TTC27: variants seen among roughly 807,000 people sequenced by gnomAD.
TTC27 encodes tetratricopeptide repeat domain 27.
In TTC27, 79 loss-of-function variants were observed where a neutral mutation model predicts 115.9. The ratio of observed to expected loss-of-function variants is 0.68; its 90% confidence interval spans 0.57 to 0.82. TTC27 has a LOEUF of 0.82. Among genes scored for constraint, TTC27 ranks in the 40% least tolerant of loss-of-function variants. The pLI, the probability that TTC27 is intolerant of heterozygous loss-of-function variation, is 0.00. For missense variants in TTC27, 1,054 were observed against 993.1 expected (o/e 1.06, Z -0.82); for synonymous variants, 401 against 356.0 (o/e 1.13, Z -1.42).
At chr2:32,801,677 T>C (rs967775752) in intron 16 of TTC27, among the ~76,000 whole-genome samples, 6 of 152,178 alleles carry the variant, frequency 3.9e-5, no homozygotes, top group Admixed American at 2.0e-4. Context: ...GCGGTGTTCA[T>C]GAAGAGGGGA....
intron 10 of TTC27, among the ~76,000 whole-genome samples, chr2:32,731,922 G>A (rs958303954): frequency 3.3e-5 from 5 of 151,954 alleles, no homozygotes; most frequent in African/African-American, 9.7e-5. Flanking sequence ...GCTTTAGCTA[G>A]TTTTAGTAAC....
At position 32,722,110 on chromosome 2, in the gene TTC27, A is replaced by G. The variant is rs144061589; in HGVS notation, c.1234-11718A>G. ...AGAATAAGAAAACTGCCGTTCCTTC[A>G]TAACTGATTAAAAGCAGTCATTACT... On this transcript the variant is annotated intron_variant, in intron 10 of 19. Transcript: ENST00000317907. 6.1e-3 allele frequency among the ~76,000 whole-genome samples: 930 copies of G among 152,348 alleles called. 8 individuals are homozygous for G. The highest frequency in any genetic ancestry group is 0.011 in the Non-Finnish European group (731 of 68,036).
rs569254872 is a variant in TTC27 at position 32,688,549 on chromosome 2, T to G, written c.1119+9627T>G. On this transcript the variant is annotated intron_variant, in intron 9 of 19. Transcript: ENST00000317907. The stretch of plus-strand genomic sequence containing the variant: ...TCTCACAAAAGACTTTTACTTAGCA[T>G]AAAGACCCCTTTCAACTCAATAGTA... 1.9e-3 allele frequency among the ~76,000 whole-genome samples: 296 copies of G among 152,226 alleles called. 3 individuals carry two copies. The highest frequency in any genetic ancestry group is 1.9e-3 in the Non-Finnish European group (129 of 67,966).
chr2:32,747,247 A>T (rs1391231965), intron 12 of TTC27, among the ~76,000 whole-genome samples: 1 of 152,174 alleles, frequency 6.6e-6, no homozygotes, highest in Non-Finnish European at 1.5e-5. Context: ...TTTCCTGATT[A>T]TGATTTCATT....
chr2:32,789,110 C>G (rs1282150419), intron 16 of TTC27, among the ~76,000 whole-genome samples: 1 of 152,012 alleles, frequency 6.6e-6, no homozygotes, highest in Non-Finnish European at 1.5e-5. Flanking sequence ...AAATATCAGA[C>G]AAAATAACTA....
intron 12 of TTC27, among the ~76,000 whole-genome samples, chr2:32,738,306 A>G (rs1161911174): frequency 6.6e-6 from 1 of 152,208 alleles, no homozygotes; most frequent in African/African-American, 2.4e-5. Context: ...ATCTGGAAGC[A>G]CTTAATCTAT....
intron 1 of TTC27, among the ~76,000 whole-genome samples, chr2:32,629,830 G>T (rs1245481454): frequency 6.6e-6 from 1 of 152,162 alleles, no homozygotes. Context: ...CTGGTTGTGG[G>T]ATTTAGGCTG....
intron 9 of TTC27, among the ~76,000 whole-genome samples, chr2:32,688,378 CT>C (rs1666703875): frequency 6.6e-6 from 1 of 152,036 alleles, no homozygotes; most frequent in South Asian, 2.1e-4. Context: ...GAAATTTTAG[CT>C]AGGACACTAA....
chr2:32,647,300 T>G (rs545634806), intron 4 of TTC27, among the ~76,000 whole-genome samples: 1 of 152,112 alleles, frequency 6.6e-6, no homozygotes, highest in Non-Finnish European at 1.5e-5. Flanking sequence ...TAAATTCCCA[T>G]GTCTAGAAAA....
chr2:32,804,243 A>G (rs1572629607), intron 16 of TTC27, among the ~76,000 whole-genome samples: 1 of 152,318 alleles, frequency 6.6e-6, no homozygotes, highest in East Asian at 1.9e-4. Context: ...CATACACAGT[A>G]CTATTCATTG....
At chr2:32,699,779 T>C (rs1667119692) in intron 9 of TTC27, among the ~76,000 whole-genome samples, 1 of 152,226 alleles carries the variant, frequency 6.6e-6, no homozygotes. Flanking sequence ...ATCCAGTTAG[T>C]TCCTTCTTTA....
At chr2:32,804,031 A>C (rs1206281453) in intron 16 of TTC27, among the ~76,000 whole-genome samples, 1 of 151,992 alleles carries the variant, frequency 6.6e-6, no homozygotes, top group Non-Finnish European at 1.5e-5. Context: ...AAAAGAAAAA[A>C]ATGCAAATTT....
At chr2:32,708,304 G>GTTTTTTTTTTTTGTTTT (rs1667450838) in intron 10 of TTC27, among the ~76,000 whole-genome samples, 1 of 61,348 alleles carries the variant, frequency 1.6e-5, no homozygotes, top group African/African-American at 6.5e-5. Context: ...TCTCTACCTT[G>GTTTTTTTTTTTTGTTTT]TTTTTTTTTT....
intron 9 of TTC27, among the ~76,000 whole-genome samples, chr2:32,687,435 T>C (rs1316369155): frequency 6.6e-6 from 1 of 152,130 alleles, no homozygotes. Flanking sequence ...AAGGGTAAAA[T>C]GGTATATTTA....
At chr2:32,733,946 G>T (rs779949150) in intron 11 of TTC27, 23 bp downstream of exon 11, 1 of 1,541,496 alleles carries the variant, frequency 6.5e-7, no homozygotes, top group East Asian at 2.3e-5. Flanking sequence ...TTTGTCATTG[G>T]GTATGGAAAT....
At chr2:32,667,823 G>A (rs1204918565) in intron 7 of TTC27, among the ~76,000 whole-genome samples, 1 of 150,934 alleles carries the variant, frequency 6.6e-6, no homozygotes, top group Non-Finnish European at 1.5e-5. Flanking sequence ...GGAGGCTGAA[G>A]TGGGTGGATC....
Position 32,723,971 on chromosome 2 carries a change from C to CTTTTTTTTTTTTTTT in TTC27, c.1234-9854_1234-9840dup, listed in dbSNP as rs36120062. Among the ~76,000 whole-genome samples, 39 of 92,430 alleles carry CTTTTTTTTTTTTTTT rather than the reference C, an allele frequency of 4.2e-4. 4 individuals are homozygous for CTTTTTTTTTTTTTTT. In the South Asian group the frequency reaches 4.9e-3, roughly 12 times the overall value. The allele number at this position is 92,430 out of a possible 152,430, so 60.6% of individuals were successfully genotyped here. On this transcript the variant is annotated intron_variant, in intron 10 of 19. Transcript: ENST00000317907. The stretch of plus-strand genomic sequence containing the variant: ...TGAGCCACCAGCTGGCATACATAAG[C>CTTTTTTTTTTTTTTT]TTTTTTTTTTTTTTTTTATAGAAAG...
chr2:32,752,007 C>G (rs1399876602), intron 12 of TTC27, among the ~76,000 whole-genome samples: 1 of 152,190 alleles, frequency 6.6e-6, no homozygotes. Flanking sequence ...CAGTCAGTCA[C>G]TACTTAAGAT....
intron 3 of TTC27, among the ~76,000 whole-genome samples, chr2:32,636,275 G>A (rs1664422729): frequency 1.3e-5 from 2 of 152,122 alleles, no homozygotes; most frequent in African/African-American, 4.8e-5. Flanking sequence ...GTGCAGTGGT[G>A]CGATCTCGGC....
Sources: allele counts gnomAD v4.1 joint callset (sites outside exome capture counted in the v4.1 genomes callset), GRCh38; gene constraint gnomAD v4.1.1; transcripts MANE v1.5; gene names NCBI Gene and HGNC (gene_info 2026-07-23, HGNC 2026-07-21).